STK33: variants seen among roughly 807,000 people sequenced by gnomAD.
STK33 encodes the protein serine/threonine-protein kinase 33.
STK33 carries 52 observed loss-of-function variants against 58.0 expected under a neutral mutation model. That is an observed-to-expected ratio of 0.90 (90% confidence interval 0.72 to 1.13). The LOEUF is 1.13. Among genes scored for constraint, STK33 ranks in the 50% most tolerant of loss-of-function variants. The pLI is 0.00. For synonymous variants in STK33, 215 were observed against 200.1 expected, an observed-to-expected ratio of 1.07 and a Z score of -0.63; for missense variants, 630 against 604.2, an observed-to-expected ratio of 1.04 and a Z score of -0.45.
At chr11:8,501,482 A>C (rs1033009504) in intron 1 of STK33, among the ~76,000 whole-genome samples, 8 of 152,196 alleles carry the variant, frequency 5.3e-5, no homozygotes, top group Non-Finnish European at 1.0e-4. Flanking sequence ...AAAGCATGAG[A>C]TATCACTTCA....
intron 14 of STK33, among the ~76,000 whole-genome samples, chr11:8,417,999 T>C (rs1378086227): frequency 6.6e-6 from 1 of 152,192 alleles, no homozygotes; most frequent in Non-Finnish European, 1.5e-5. Flanking sequence ...ACTACTGATG[T>C]AATAGAAAAG....
At chr11:8,546,471 T>C (rs1274967116) in intron 1 of STK33, among the ~76,000 whole-genome samples, 9 of 152,222 alleles carry the variant, frequency 5.9e-5, no homozygotes, top group Admixed American at 1.3e-4. Context: ...TTCTAGCTAT[T>C]TTGAAATATA....
chr11:8,364,652 T>C, the STK33 span, among the ~76,000 whole-genome samples: 1 of 152,236 alleles, frequency 6.6e-6, no homozygotes, highest in Admixed American at 6.5e-5. Context: ...AACTGCTTAA[T>C]TAAACCATGG....
rs1948226125 is a variant in STK33 at position 8,466,697 on chromosome 11, T to C, written c.340-1875A>G. 2.0e-5 allele frequency: 3 copies of C among 152,416 alleles called. No homozygotes were observed. The South Asian group carries it at 6.2e-4, about 32-fold the overall frequency. The allele number at this position is 152,416 out of a possible 1,614,324, so 9.4% of individuals were successfully genotyped here. On this transcript the variant is annotated intron_variant, in intron 6 of 15. Coordinates refer to ENST00000687296, the MANE Select transcript of STK33 (RefSeq NM_001352389.2). ...GGTGGCCCTCTTCTCACAGTTCCACTAGGCAGTGCCCCAGTAGGGACTCTG... is the reference window on the plus strand; with the variant it reads ...GGTGGCCCTCTTCTCACAGTTCCACCAGGCAGTGCCCCAGTAGGGACTCTG...
the STK33 span, among the ~76,000 whole-genome samples, chr11:8,337,962 C>T: frequency 6.6e-6 from 1 of 152,298 alleles, no homozygotes; most frequent in South Asian, 2.1e-4. Context: ...GTGCTGCCCC[C>T]ACCGCCACAC....
At chr11:8,361,987 G>A in the STK33 span, among the ~76,000 whole-genome samples, 5 of 152,166 alleles carry the variant, frequency 3.3e-5, no homozygotes, top group African/African-American at 2.4e-5. The surrounding 1 kb of genome is among the most constrained non-coding windows in gnomAD (Gnocchi z 4.8). Flanking sequence ...TCAGTATCTC[G>A]GCTGCCTCAT....
intron 1 of STK33, among the ~76,000 whole-genome samples, chr11:8,522,764 C>T (rs927112942): frequency 6.6e-6 from 1 of 152,038 alleles, no homozygotes; most frequent in Non-Finnish European, 1.5e-5. Flanking sequence ...CTCCCTCTCC[C>T]TTTCCCTCTT....
intron 15 of STK33, among the ~76,000 whole-genome samples, chr11:8,394,679 C>T (rs1471132366): frequency 2.0e-5 from 3 of 151,980 alleles, no homozygotes; most frequent in Non-Finnish European, 2.9e-5. Flanking sequence ...TTTCTTTTTC[C>T]CAAAAACGCT....
At chr11:8,386,028 C>A in the STK33 span, among the ~76,000 whole-genome samples, 2 of 152,184 alleles carry the variant, frequency 1.3e-5, no homozygotes, top group South Asian at 4.1e-4. Context: ...CCACCTTGGC[C>A]TCCCAAAGTG....
intron 7 of STK33, among the ~76,000 whole-genome samples, chr11:8,464,375 T>C (rs1471306993): frequency 1.3e-5 from 2 of 152,226 alleles, no homozygotes; most frequent in Admixed American, 6.5e-5. Flanking sequence ...TCTGCACTTC[T>C]AGCTAAGATA....
At chr11:8,477,949 T>C (rs1949437491) in intron 2 of STK33, among the ~76,000 whole-genome samples, 1 of 152,220 alleles carries the variant, frequency 6.6e-6, no homozygotes, top group Non-Finnish European at 1.5e-5. Context: ...TTCTACTTTC[T>C]TACCACAGCA....
At chr11:8,501,102 A>G (rs950185145) in intron 1 of STK33, among the ~76,000 whole-genome samples, 4 of 152,204 alleles carry the variant, frequency 2.6e-5, no homozygotes, top group African/African-American at 9.6e-5. Context: ...CTAGAAGAAA[A>G]CATAGAGGTA....
rs34759366 is a variant in STK33 at position 8,508,266 on chromosome 11, C to CTTTTTT, written c.-465-27658_-465-27653dup. Among the ~76,000 whole-genome samples the CTTTTTT allele has an allele frequency of 2.7e-3, 309 of 114,254 alleles. 21 individuals are homozygous for CTTTTTT. Among genetic ancestry groups the CTTTTTT allele is most frequent in the African/African-American group, 9.4e-3 (267 of 28,530 alleles). 75.0% of individuals were successfully genotyped at this position (114,254 alleles called of 152,430 possible). ...TGAAACAAATACTCTACCTTCTATTCTTTTTTTTTTTTTTTTTTTTGAGAC... is the reference window on the plus strand; with the variant it reads ...TGAAACAAATACTCTACCTTCTATTCTTTTTTTTTTTTTTTTTTTTTTTTTTGAGAC... On this transcript the variant is annotated intron_variant, in intron 1 of 15. Transcript: ENST00000687296.
chr11:8,336,343 G>C, the STK33 span, among the ~76,000 whole-genome samples: 1 of 152,358 alleles, frequency 6.6e-6, no homozygotes, highest in South Asian at 2.1e-4. Context: ...TGGGACAATG[G>C]CAGCACAACT....
intron 1 of STK33, among the ~76,000 whole-genome samples, chr11:8,591,619 C>T (rs919268747): frequency 2.0e-5 from 3 of 152,110 alleles, no homozygotes; most frequent in Admixed American, 2.0e-4. Flanking sequence ...ATACAGGAAA[C>T]CGCAATGTCT....
chr11:8,421,024 T>C (rs1397491209), intron 14 of STK33, among the ~76,000 whole-genome samples: 1 of 152,008 alleles, frequency 6.6e-6, no homozygotes. Flanking sequence ...TTGTTTTAGT[T>C]GTTTTAACTT....
chr11:8,378,953 C>G, the STK33 span, among the ~76,000 whole-genome samples: 1 of 152,080 alleles, frequency 6.6e-6, no homozygotes, highest in Non-Finnish European at 1.5e-5. Context: ...GACACGTAGA[C>G]CAATGCAACA....
intron 15 of STK33, among the ~76,000 whole-genome samples, chr11:8,398,433 G>C (rs11820312): frequency 0.12 from 18,254 of 152,146 alleles, 1,318 homozygotes; most frequent in African/African-American, 0.19. Context: ...TCACCACCAG[G>C]CCTGCCCTAA....
At chr11:8,394,083 T>C (rs1201465277) in intron 15 of STK33, among the ~76,000 whole-genome samples, 2 of 152,256 alleles carry the variant, frequency 1.3e-5, no homozygotes, top group Non-Finnish European at 2.9e-5. Flanking sequence ...TCATTTTCTT[T>C]AGTTCTTTTC....
Sources: allele counts gnomAD v4.1 joint callset (sites outside exome capture counted in the v4.1 genomes callset), GRCh38; gene constraint gnomAD v4.1.1; non-coding constraint Gnocchi (gnomAD v3.1); transcripts MANE v1.5; gene names NCBI Gene and HGNC (gene_info 2026-07-23, HGNC 2026-07-21).